Variants in ADAMTS6 observed in about 807,000 individuals in gnomAD.
ADAMTS6 encodes ADAM metallopeptidase with thrombospondin type 1 motif 6.
ADAMTS6 carries 23 observed loss-of-function variants against 144.3 expected under a neutral mutation model. The observed-to-expected ratio is 0.16, with a 90% CI of 0.11 to 0.23. The LOEUF (loss-of-function observed/expected upper bound fraction) is 0.23. Ranked by LOEUF, ADAMTS6 falls within the 10% of genes least tolerant of loss-of-function variation. The pLI, the probability that ADAMTS6 is intolerant of heterozygous loss-of-function variation, is 1.00. For synonymous variants in ADAMTS6, 444 were observed against 457.5 expected, an observed-to-expected ratio of 0.97 and a Z score of 0.38; for missense variants, 999 against 1,379.6, an observed-to-expected ratio of 0.72 and a Z score of 4.37.
rs563818498 is a variant in ADAMTS6, at chr5:65,479,551, A to G, written c.-280+1792T>C. Among the ~76,000 whole-genome samples, 22 of 152,316 alleles carry G rather than the reference A, an allele frequency of 1.4e-4. No homozygotes were observed. The South Asian group carries it at 4.1e-3, about 29-fold the overall frequency. The stretch of plus-strand genomic sequence containing the variant: ...GTTTTTTGGCAGAAGCAAGAGAGCT[A>G]TCCACCTCTTCCCCTCTTTTTCTCC... On this transcript the variant is annotated intron_variant, in intron 1 of 24. Transcript: ENST00000381055.
At chr5:65,261,428 C>A (rs777744815) in intron 13 of ADAMTS6, among the ~76,000 whole-genome samples, 167 of 151,294 alleles carry the variant, frequency 1.1e-3, no homozygotes, top group South Asian at 9.7e-3. Flanking sequence ...CAGTTTTTTC[C>A]CTTAAGTATC....
intron 7 of ADAMTS6, among the ~76,000 whole-genome samples, chr5:65,369,856 T>C (rs1320565723): frequency 6.6e-6 from 1 of 152,122 alleles, no homozygotes; most frequent in East Asian, 1.9e-4. Context: ...AAAACAGCAA[T>C]TCTAAAAATC....
chr5:65,384,419 A>T (rs760171907), intron 7 of ADAMTS6, among the ~76,000 whole-genome samples: 1 of 152,196 alleles, frequency 6.6e-6, no homozygotes, highest in Non-Finnish European at 1.5e-5. Context: ...ATCCTATTTC[A>T]TCACTCAGAA....
chr5:65,182,641 A>AGTTT (rs1754435820), intron 22 of ADAMTS6, among the ~76,000 whole-genome samples: 1 of 152,140 alleles, frequency 6.6e-6, no homozygotes, highest in Non-Finnish European at 1.5e-5. Context: ...TCCTGATGGC[A>AGTTT]GTTTCCTACT....
At chr5:65,178,880 C>T (rs557772902) in intron 22 of ADAMTS6, among the ~76,000 whole-genome samples, 1 of 152,304 alleles carries the variant, frequency 6.6e-6, no homozygotes, top group South Asian at 2.1e-4. Flanking sequence ...CCACCTTGCT[C>T]CCGGTATCAG....
At chr5:65,433,325 A>T (rs550333253) in intron 7 of ADAMTS6, among the ~76,000 whole-genome samples, 1 of 152,256 alleles carries the variant, frequency 6.6e-6, no homozygotes, top group South Asian at 2.1e-4. Context: ...AACCTCACAC[A>T]TCATGTCATA....
At chr5:65,205,408 A>G (rs1475866661) in intron 20 of ADAMTS6, among the ~76,000 whole-genome samples, 1 of 152,166 alleles carries the variant, frequency 6.6e-6, no homozygotes, top group Admixed American at 6.5e-5. Context: ...AATGTAAAGC[A>G]TTTGTCTCTG....
At chr5:65,245,627 ATCATGAACTAC>A in intron 14 of ADAMTS6, among the ~76,000 whole-genome samples, 1 of 152,142 alleles carries the variant, frequency 6.6e-6, no homozygotes, top group Middle Eastern at 3.2e-3. Context: ...CATCATCATC[ATCATGAACTAC>A]TTGGAAAACT....
chr5:65,300,711 A>C (rs767877897), intron 9 of ADAMTS6, among the ~76,000 whole-genome samples: 43 of 151,350 alleles, frequency 2.8e-4, no homozygotes, highest in Non-Finnish European at 5.4e-4. Context: ...GGCTCACTGC[A>C]AGCTCAGCCT....
intron 7 of ADAMTS6, among the ~76,000 whole-genome samples, chr5:65,433,649 G>C (rs1258600558): frequency 6.6e-6 from 1 of 152,072 alleles, no homozygotes; most frequent in Non-Finnish European, 1.5e-5. Context: ...ATTTTAAAAT[G>C]CTCAATATAA....
At chr5:65,340,629 G>C (rs560163688) in intron 7 of ADAMTS6, among the ~76,000 whole-genome samples, 18 of 151,988 alleles carry the variant, frequency 1.2e-4, no homozygotes, top group Non-Finnish European at 2.2e-4. Context: ...AACCTTGAAT[G>C]TAAATGGATT....
chr5:65,321,614 CAT>C (rs1745614449), intron 9 of ADAMTS6, among the ~76,000 whole-genome samples: 1 of 151,086 alleles, frequency 6.6e-6, no homozygotes, highest in South Asian at 2.1e-4. Flanking sequence ...AATCTTTGCA[CAT>C]GTCTATGTCC....
At chr5:65,335,378 G>C (rs1033171686) in intron 7 of ADAMTS6, among the ~76,000 whole-genome samples, 35 of 152,068 alleles carry the variant, frequency 2.3e-4, no homozygotes, top group Non-Finnish European at 4.7e-4. Flanking sequence ...GATATAGAGA[G>C]GGTACCAGTG....
intron 12 of ADAMTS6, among the ~76,000 whole-genome samples, chr5:65,266,892 G>A (rs1393406969): frequency 6.6e-6 from 1 of 151,952 alleles, no homozygotes; most frequent in Non-Finnish European, 1.5e-5. Flanking sequence ...GATTTTAAGA[G>A]AAGAAACTTA....
chr5:65,328,994 C>T (rs145531221), intron 9 of ADAMTS6, among the ~76,000 whole-genome samples: 104 of 151,980 alleles, frequency 6.8e-4, no homozygotes, highest in African/African-American at 2.4e-3. Context: ...ATGCTGACAG[C>T]TGTATGAAGA....
intron 11 of ADAMTS6, among the ~76,000 whole-genome samples, chr5:65,273,902 C>T (rs959028025): frequency 6.6e-6 from 1 of 152,162 alleles, no homozygotes; most frequent in African/African-American, 2.4e-5. Flanking sequence ...GGAAAATAGA[C>T]CATGGAATGG....
chr5:65,300,001 T>C lies in ADAMTS6; in HGVS notation c.1354A>G (p.Ile452Val). The C allele has an allele frequency of 6.2e-7, 1 of 1,613,690 alleles. No individual in the cohort carries two copies. Among genetic ancestry groups the C allele is most frequent in the South Asian group, 1.1e-5 (1 of 90,958 alleles). ...ATTACTTACTCTAGAAAGCTGGTGA[T>C]GTAGTCTCGACTGCAAGCAGACCAG... ...FSWSACSRDY[I>V]TSFLDSGRGT... Residue 452 changes from isoleucine to valine, a missense_variant, in exon 10 of 25, where the codon ATC (isoleucine) becomes GTC (valine). Coordinates refer to ENST00000381055, the MANE Select transcript of ADAMTS6 (RefSeq NM_197941.4).
At position 65,346,619 on chromosome 5, in the gene ADAMTS6, C is replaced by A. The variant is rs111458959; in HGVS notation, c.1074-12534G>T. 8.9e-3 allele frequency among the ~76,000 whole-genome samples: 1,349 copies of A among 151,072 alleles called. 20 individuals carry two copies. The highest frequency in any genetic ancestry group is 0.031 in the African/African-American group (1,271 of 41,242). On this transcript the variant is annotated intron_variant, in intron 7 of 24. Coordinates refer to ENST00000381055, the MANE Select transcript of ADAMTS6 (RefSeq NM_197941.4). ...TTCTAGTCAACATAGTACTGGAAGT[C>A]CTAGGCAGAGCAATTAGGCAAAAAA...
intron 20 of ADAMTS6, among the ~76,000 whole-genome samples, chr5:65,209,237 C>T (rs1756325414): frequency 1.3e-5 from 2 of 152,156 alleles, no homozygotes; most frequent in Non-Finnish European, 2.9e-5. Flanking sequence ...AGACAAGATT[C>T]ATTAATTAGC....
Sources: gnomAD v4.1 joint callset for allele counts (sites outside exome capture counted in the v4.1 genomes callset) on GRCh38, gnomAD v4.1.1 for gene constraint, MANE v1.5 for transcripts, NCBI Gene and HGNC (gene_info 2026-07-23, HGNC 2026-07-21) for gene names.